Variants in CLEC16A observed in about 807,000 individuals in gnomAD.
CLEC16A encodes the protein C-type lectin domain containing 16A, also known as protein CLEC16A.
A neutral mutation model predicts 109.5 loss-of-function variants in CLEC16A; 51 were observed. That is an observed-to-expected ratio of 0.47 (90% CI 0.37 to 0.59). CLEC16A has a LOEUF of 0.59. Ranked by LOEUF, CLEC16A falls within the 20% of genes least tolerant of loss-of-function variation. CLEC16A has a pLI of 0.00. For missense variants in CLEC16A, 1,339 were observed against 1,394.0 expected (o/e 0.96, Z 0.63); for synonymous variants, 673 against 564.2 (o/e 1.19, Z -2.73).
intron 11 of CLEC16A, among the ~76,000 whole-genome samples, chr16:11,011,554 C>G (rs574522105): frequency 2.0e-4 from 31 of 152,268 alleles, no homozygotes; most frequent in African/African-American, 7.0e-4. Context: ...CTAGTACCTC[C>G]TCTGCCTGTC....
At chr16:10,999,763 T>C (rs1389749027) in intron 10 of CLEC16A, among the ~76,000 whole-genome samples, 3 of 152,162 alleles carry the variant, frequency 2.0e-5, no homozygotes, top group Non-Finnish European at 4.4e-5. Flanking sequence ...TTTTTTTAGA[T>C]GTAAGCAGGA....
intron 20 of CLEC16A, among the ~76,000 whole-genome samples, chr16:11,122,854 G>A (rs922585500): frequency 2.1e-5 from 3 of 139,872 alleles, no homozygotes; most frequent in Non-Finnish European, 4.6e-5. Context: ...TTGAAACACA[G>A]TTTCCTTCAA....
intron 1 of CLEC16A, among the ~76,000 whole-genome samples, chr16:10,952,849 A>G (rs1392915781): frequency 6.6e-6 from 1 of 152,254 alleles, no homozygotes; most frequent in Non-Finnish European, 1.5e-5. Context: ...AAAAATGTCG[A>G]CTACCTAGCA....
intron 20 of CLEC16A, among the ~76,000 whole-genome samples, chr16:11,123,399 G>T (rs1488260589): frequency 6.6e-6 from 1 of 152,204 alleles, no homozygotes; most frequent in Admixed American, 6.5e-5. Flanking sequence ...AGAAGTAAGA[G>T]TTTGCCTGTG....
intron 20 of CLEC16A, among the ~76,000 whole-genome samples, 181 bp from the exon 21 acceptor site, chr16:11,123,561 C>T (rs1200379359): frequency 6.6e-6 from 1 of 152,226 alleles, no homozygotes; most frequent in African/African-American, 2.4e-5. Context: ...TCCTCTCCCA[C>T]TGGGCCTGGT....
intron 19 of CLEC16A, among the ~76,000 whole-genome samples, chr16:11,063,014 A>G (rs1470576035): frequency 6.6e-6 from 1 of 152,182 alleles, no homozygotes; most frequent in Non-Finnish European, 1.5e-5. Context: ...CCCCCTAGGA[A>G]TGGCCTGCTG....
At chr16:11,148,892 A>C (rs990737111) in intron 22 of CLEC16A, among the ~76,000 whole-genome samples, 5 of 152,264 alleles carry the variant, frequency 3.3e-5, no homozygotes, top group Admixed American at 2.6e-4. Context: ...AAGCTCCAGC[A>C]GTTCTGTGTA....
intron 22 of CLEC16A, chr16:11,156,513 G>A (rs1036042498): frequency 1.3e-5 from 13 of 1,023,348 alleles, no homozygotes; most frequent in African/African-American, 1.2e-4. Context: ...GTCAGTGAGC[G>A]CCTGTGCCTG....
At chr16:11,058,844 C>T (rs541119991) in intron 18 of CLEC16A, among the ~76,000 whole-genome samples, 6 of 152,308 alleles carry the variant, frequency 3.9e-5, no homozygotes, top group East Asian at 1.9e-4. Flanking sequence ...GAGGAACAGG[C>T]GTTTGGGCAC....
intron 13 of CLEC16A, chr16:11,027,207 C>G: frequency 7.1e-7 from 1 of 1,414,106 alleles, no homozygotes; most frequent in South Asian, 1.2e-5. Context: ...TTACTGGCAG[C>G]AGAAACCTGA....
chr16:11,143,136 C>T (rs866450213), intron 22 of CLEC16A, among the ~76,000 whole-genome samples: 1 of 152,212 alleles, frequency 6.6e-6, no homozygotes, highest in East Asian at 1.9e-4. Flanking sequence ...TTATTGAGCA[C>T]CTACTGTGTG....
Position 10,969,291 on chromosome 16 carries a change from C to G in CLEC16A, c.474C>G (p.Val158=). The part of the protein sequence containing the change: ...TLSLKLNNHT[V]HFFYNEHTND... ...CGTTAAAACTCAACAACCACACTGT[C>G]CATTTCTTTTATAATGAGGTAAGTA... is the stretch of plus-strand genomic sequence containing the variant. The change falls in exon 4 of 24, where the codon GTC becomes GTG. Residue 158 remains valine, a synonymous_variant. Transcript: ENST00000409790. 1 of 1,609,930 alleles carries G rather than the reference C, an allele frequency of 6.2e-7. No individual in the cohort carries two copies. The highest frequency in any genetic ancestry group is 8.5e-7 in the Non-Finnish European group (1 of 1,178,340).
chr16:11,150,546 A>C (rs2054253892), intron 22 of CLEC16A, among the ~76,000 whole-genome samples: 1 of 152,252 alleles, frequency 6.6e-6, no homozygotes, highest in South Asian at 2.1e-4. Context: ...TACAAGAAGC[A>C]GAACTGCCAA....
At chr16:11,042,679 A>G (rs2047404713) in intron 15 of CLEC16A, among the ~76,000 whole-genome samples, 1 of 152,212 alleles carries the variant, frequency 6.6e-6, no homozygotes, top group Non-Finnish European at 1.5e-5. Flanking sequence ...GCACATACAA[A>G]CACATCAACA....
chr16:11,108,919 G>C (rs1211043632), intron 19 of CLEC16A, among the ~76,000 whole-genome samples: 1 of 151,956 alleles, frequency 6.6e-6, no homozygotes, highest in Admixed American at 6.6e-5. Flanking sequence ...GACCATCCTG[G>C]CTAACATGGT....
At chr16:10,971,455 C>A (rs982982412) in intron 5 of CLEC16A, 1 of 666,354 alleles carries the variant, frequency 1.5e-6, no homozygotes, top group Non-Finnish European at 1.9e-6. Context: ...CATGCTGCTA[C>A]ATAGAAGTAG....
At chr16:11,066,007 T>G (rs969286579) in intron 19 of CLEC16A, among the ~76,000 whole-genome samples, 1 of 152,128 alleles carries the variant, frequency 6.6e-6, no homozygotes, top group African/African-American at 2.4e-5. Flanking sequence ...CGAGCTGCAC[T>G]GGGGGCTAGA....
intron 3 of CLEC16A, among the ~76,000 whole-genome samples, chr16:10,964,354 A>C (rs1402489554): frequency 6.6e-6 from 1 of 152,232 alleles, no homozygotes; most frequent in Non-Finnish European, 1.5e-5. Context: ...TCTGAGGGGA[A>C]GATCCAGCTC....
chr16:11,127,497 A>G (rs1362973395), intron 22 of CLEC16A, among the ~76,000 whole-genome samples: 1 of 152,222 alleles, frequency 6.6e-6, no homozygotes, highest in Non-Finnish European at 1.5e-5. Flanking sequence ...TGATATATGT[A>G]GTCCCAACGT....
Sources: allele counts gnomAD v4.1 joint callset (sites outside exome capture counted in the v4.1 genomes callset), GRCh38; gene constraint gnomAD v4.1.1; transcripts MANE v1.5; gene names NCBI Gene and HGNC (gene_info 2026-07-23, HGNC 2026-07-21).